AKT3: variants seen among roughly 807,000 people sequenced by gnomAD.
AKT3 encodes AKT serine/threonine kinase 3, also known as RAC-gamma serine/threonine-protein kinase.
AKT3 carries 15 observed loss-of-function variants against 65.3 expected under a neutral mutation model. The observed-to-expected ratio is 0.23, with a 90% CI of 0.15 to 0.35. AKT3 has a LOEUF of 0.35. AKT3 is among the 10% of genes least tolerant of loss of function. The pLI, the probability that AKT3 is intolerant of heterozygous loss-of-function variation, is 1.00. For synonymous variants in AKT3, 206 were observed against 183.8 expected (o/e 1.12, Z -0.98); for missense variants, 243 against 576.5 (o/e 0.42, Z 5.92).
At chr1:243,839,344 GA>G (rs1466202621) in intron 2 of AKT3, among the ~76,000 whole-genome samples, 3 of 152,118 alleles carry the variant, frequency 2.0e-5, no homozygotes, top group Non-Finnish European at 4.4e-5. Context: ...CTTTGAGTAA[GA>G]TCATTTAGTA....
At chr1:243,559,667 C>A (rs917975231) in intron 10 of AKT3, among the ~76,000 whole-genome samples, 1 of 151,992 alleles carries the variant, frequency 6.6e-6, no homozygotes, top group Non-Finnish European at 1.5e-5. Context: ...ATTAAAACAA[C>A]GTAAAAGGCG....
At chr1:243,729,800 T>C (rs1687434174) in intron 2 of AKT3, among the ~76,000 whole-genome samples, 1 of 152,242 alleles carries the variant, frequency 6.6e-6, no homozygotes, top group Middle Eastern at 3.2e-3. Flanking sequence ...CAATAAATGA[T>C]AGATTACAGT....
chr1:243,789,301 G>A (rs1331552862), intron 2 of AKT3, among the ~76,000 whole-genome samples: 2 of 152,170 alleles, frequency 1.3e-5, no homozygotes, highest in Non-Finnish European at 1.5e-5. Context: ...AGGGAGGATC[G>A]CTTTAGCCAG....
At chr1:243,803,676 ACACACAC>A (rs1692525450) in intron 2 of AKT3, among the ~76,000 whole-genome samples, 2 of 151,300 alleles carry the variant, frequency 1.3e-5, no homozygotes, top group Non-Finnish European at 2.9e-5. Context: ...ACACACACAC[ACACACAC>A]ACACACACAT....
intron 2 of AKT3, among the ~76,000 whole-genome samples, chr1:243,824,921 T>C (rs1408152601): frequency 1.3e-5 from 2 of 152,220 alleles, no homozygotes; most frequent in Non-Finnish European, 2.9e-5. Context: ...TCCAAAGGAA[T>C]ATAAATCAAT....
intron 2 of AKT3, among the ~76,000 whole-genome samples, chr1:243,825,261 G>A (rs768486686): frequency 6.6e-6 from 1 of 152,112 alleles, no homozygotes; most frequent in African/African-American, 2.4e-5. Context: ...AGGGATGAGG[G>A]GAGAAAGAGC....
chr1:243,848,247 C>CTA (rs1228097247), intron 1 of AKT3, among the ~76,000 whole-genome samples: 1 of 152,194 alleles, frequency 6.6e-6, no homozygotes, highest in Non-Finnish European at 1.5e-5. Context: ...CTTTCAAGTA[C>CTA]TATCTCCTTG....
intron 13 of AKT3, among the ~76,000 whole-genome samples, chr1:243,488,847 G>T (rs1043606724): frequency 1.3e-5 from 2 of 152,170 alleles, no homozygotes; most frequent in African/African-American, 4.8e-5. Flanking sequence ...CCTTCACACA[G>T]TGCGTACCAA....
chr1:243,639,764 C>A (rs1449392443), intron 5 of AKT3, among the ~76,000 whole-genome samples: 2 of 152,136 alleles, frequency 1.3e-5, no homozygotes, highest in African/African-American at 4.8e-5. Context: ...AATAGCCAAC[C>A]AGTAGCCATC....
intron 12 of AKT3, among the ~76,000 whole-genome samples, chr1:243,543,697 A>G (rs1325844747): frequency 6.6e-6 from 1 of 152,224 alleles, no homozygotes; most frequent in African/African-American, 2.4e-5. Context: ...CAGTGATACT[A>G]AGTGGATATA....
At chr1:243,806,958 T>C (rs1192330892) in intron 2 of AKT3, among the ~76,000 whole-genome samples, 2 of 152,150 alleles carry the variant, frequency 1.3e-5, no homozygotes, top group Admixed American at 6.5e-5. Context: ...CTATAATTCA[T>C]AACGTAAAAA....
chr1:243,823,377 C>A (rs141816011), intron 2 of AKT3, among the ~76,000 whole-genome samples: 35 of 152,266 alleles, frequency 2.3e-4, no homozygotes, highest in Middle Eastern at 3.4e-3. Context: ...GACAAGGATG[C>A]CCTCTCCCAC....
At chr1:243,797,859 C>CAA (rs549254438) in intron 2 of AKT3, among the ~76,000 whole-genome samples, 2 of 123,694 alleles carry the variant, frequency 1.6e-5, no homozygotes, top group East Asian at 2.3e-4. Flanking sequence ...GTTAGGATAA[C>CAA]AAAAAAAAAA....
intron 6 of AKT3, among the ~76,000 whole-genome samples, chr1:243,628,498 T>G (rs1679352925): frequency 6.6e-6 from 1 of 152,134 alleles, no homozygotes; most frequent in Non-Finnish European, 1.5e-5. Context: ...GGAGTCTCAC[T>G]ATGTTGCCCA....
chr1:243,563,010 T>G lies in AKT3; in HGVS notation c.948+710A>C, dbSNP rs12041448. 2.2e-3 allele frequency among the ~76,000 whole-genome samples: 341 copies of G among 152,278 alleles called. 9 individuals carry two copies. The East Asian group carries it at 0.055, about 24-fold the overall frequency. ...CACACCACACCCTTACATTTAATCT[T>G]GCTTTTTTGTTTGTTTGTTTATGAA... On this transcript the variant is annotated intron_variant, in intron 10 of 13. Coordinates refer to ENST00000673466, the MANE Select transcript of AKT3 (RefSeq NM_005465.7).
intron 2 of AKT3, among the ~76,000 whole-genome samples, chr1:243,722,295 C>G (rs1303837843): frequency 2.0e-5 from 3 of 152,120 alleles, no homozygotes; most frequent in African/African-American, 7.2e-5. Flanking sequence ...TACTATAAAA[C>G]TTCAGAGAAA....
chr1:243,592,179 C>T (rs1272753626), intron 8 of AKT3, among the ~76,000 whole-genome samples: 5 of 151,672 alleles, frequency 3.3e-5, no homozygotes, highest in African/African-American at 1.2e-4. Flanking sequence ...ACTAAAAATA[C>T]AAAAAATTAG....
At chr1:243,721,377 A>G (rs1015089240) in intron 2 of AKT3, among the ~76,000 whole-genome samples, 7 of 152,166 alleles carry the variant, frequency 4.6e-5, no homozygotes, top group Non-Finnish European at 8.8e-5. Flanking sequence ...ATATTAGATC[A>G]TAACCTTTTT....
In AKT3 at chr1:243,513,335, C is replaced by T. The variant is rs568333602; in HGVS notation, c.1252-909G>A. ...GAGCATTAGGGTCAGAGTGCGTGCT[C>T]TGCAGAGTATCATTCAGAACAGGGG... On this transcript the variant is annotated intron_variant, in intron 12 of 13. Coordinates refer to ENST00000673466, the MANE Select transcript of AKT3 (RefSeq NM_005465.7). Among the ~76,000 whole-genome samples the T allele has an allele frequency of 4.7e-4, 71 of 152,290 alleles. 2 individuals are homozygous for T. The South Asian group carries it at 0.014, about 31-fold the overall frequency.
Sources: allele counts gnomAD v4.1 joint callset (sites outside exome capture counted in the v4.1 genomes callset), GRCh38; gene constraint gnomAD v4.1.1; transcripts MANE v1.5; gene names NCBI Gene and HGNC (gene_info 2026-07-23, HGNC 2026-07-21).